The following FBXO11 variants were observed in gnomAD, a reference collection of about 807,000 sequenced individuals.
FBXO11 encodes the protein F-box protein 11.
A neutral mutation model predicts 117.0 loss-of-function variants in FBXO11; 13 were observed. The observed-to-expected ratio is 0.11, with a 90% CI of 0.07 to 0.18. The LOEUF (loss-of-function observed/expected upper bound fraction) is 0.18. FBXO11 is among the 10% of genes least tolerant of loss of function. The probability of loss-of-function intolerance (pLI) is 1.00; values close to 1 mark genes in which losing one functional copy is unlikely to be tolerated. For missense variants in FBXO11, 767 were observed against 1,164.4 expected (o/e 0.66, Z 4.97); for synonymous variants, 490 against 380.5 (o/e 1.29, Z -3.35).
rs566772693 is a variant in FBXO11, at chr2:47,817,594, A to G, written c.2006+1185T>C. 2.6e-5 allele frequency among the ~76,000 whole-genome samples: 4 copies of G among 152,218 alleles called. No homozygotes were observed. The South Asian group carries it at 8.3e-4, about 32-fold the overall frequency. ...CATACTTTCCTCACTAACCTTCATCATTTCTAGCTTTTGATTTAAAGTGAG... is the reference window on the plus strand; with the variant it reads ...CATACTTTCCTCACTAACCTTCATCGTTTCTAGCTTTTGATTTAAAGTGAG... On this transcript the variant is annotated intron_variant, in intron 16 of 22. Coordinates refer to ENST00000403359, the MANE Select transcript of FBXO11 (RefSeq NM_001190274.2).
intron 1 of FBXO11, among the ~76,000 whole-genome samples, chr2:47,880,032 G>C (rs915360885): frequency 6.7e-6 from 1 of 149,702 alleles, no homozygotes; most frequent in Non-Finnish European, 1.5e-5. Flanking sequence ...GTCTCACTCT[G>C]TCACCCAGGT....
In FBXO11 at chr2:47,905,682, T is replaced by G; in HGVS notation, c.39A>C (p.Arg13=). The change falls in exon 1 of 23, where the codon CGA becomes CGC. Residue 13 remains arginine (R), a synonymous_variant. Coordinates refer to ENST00000403359, the MANE Select transcript of FBXO11 (RefSeq NM_001190274.2). ...SVRAANRRPR[R]VSRPRPVQQQ... ...GCTGCACCGGGCGCGGCCGCGACAC[T>G]CGCCTGGGTCTCCGGTTGGCGGCTC... is the stretch of plus-strand genomic sequence containing the variant. 1 of 1,507,048 alleles carries G rather than the reference T, an allele frequency of 6.6e-7. No individual in the cohort carries two copies. Among genetic ancestry groups the G allele is most frequent in the Non-Finnish European group, 8.9e-7 (1 of 1,129,546 alleles). The allele number at this position is 1,507,048 out of a possible 1,614,324, so 93.4% of individuals were successfully genotyped here.
intron 1 of FBXO11, among the ~76,000 whole-genome samples, chr2:47,859,265 T>C (rs2103729524): frequency 6.6e-6 from 1 of 152,016 alleles, no homozygotes; most frequent in South Asian, 2.1e-4. Flanking sequence ...CCAACTAATC[T>C]GAAGATCATC....
At chr2:47,895,232 C>T (rs115504967) in intron 1 of FBXO11, among the ~76,000 whole-genome samples, 12 of 152,200 alleles carry the variant, frequency 7.9e-5, no homozygotes, top group Non-Finnish European at 1.6e-4. Flanking sequence ...TCCTGACATC[C>T]AAACACAAAA....
At chr2:47,900,574 A>G (rs906561260) in intron 1 of FBXO11, among the ~76,000 whole-genome samples, 1 of 140,334 alleles carries the variant, frequency 7.1e-6, no homozygotes, top group Non-Finnish European at 1.6e-5. Context: ...ATACACACGT[A>G]TACACACATA....
chr2:47,808,684 G>C (rs78888036), intron 21 of FBXO11: 33,855 of 371,588 alleles, frequency 0.091, 1,856 homozygotes, highest in Non-Finnish European at 0.11. Flanking sequence ...CCTCTCAAAT[G>C]TTTCTGGGCT....
In FBXO11 at chr2:47,833,548, C is replaced by T. The variant is rs143062331; in HGVS notation, c.935-478G>A. On this transcript the variant is annotated intron_variant, in intron 7 of 22. Transcript: ENST00000403359. ...AAAGAGGCTGTAAATGCAAATTTCA[C>T]TAGCAAATAATAATTACTAGCTATC... 1.5e-3 allele frequency among the ~76,000 whole-genome samples: 225 copies of T among 152,280 alleles called. 2 individuals are homozygous for T. Among genetic ancestry groups the T allele is most frequent in the Non-Finnish European group, 1.8e-3 (121 of 68,020 alleles).
intron 1 of FBXO11, among the ~76,000 whole-genome samples, chr2:47,876,081 C>T (rs1396145215): frequency 2.0e-5 from 3 of 152,176 alleles, no homozygotes; most frequent in Non-Finnish European, 4.4e-5. Context: ...TCCTTAATGT[C>T]ACACAGTTAG....
At chr2:47,903,051 CTT>C (rs1331287702) in intron 1 of FBXO11, among the ~76,000 whole-genome samples, 1 of 152,110 alleles carries the variant, frequency 6.6e-6, no homozygotes, top group Non-Finnish European at 1.5e-5. Flanking sequence ...GAAAGTGACA[CTT>C]TGCGTGCTCC....
At chr2:47,881,518 T>C (rs538109549) in intron 1 of FBXO11, among the ~76,000 whole-genome samples, 1 of 152,300 alleles carries the variant, frequency 6.6e-6, no homozygotes, top group South Asian at 2.1e-4. Flanking sequence ...ATCAATAGTA[T>C]TGAAACTAAT....
intron 1 of FBXO11, among the ~76,000 whole-genome samples, chr2:47,887,965 T>C (rs555052587): frequency 2.0e-5 from 3 of 151,784 alleles, no homozygotes; most frequent in Non-Finnish European, 4.4e-5. Flanking sequence ...CTGCAGAGAG[T>C]AGTGACTGTG....
chr2:47,883,480 T>G (rs1676586237), intron 1 of FBXO11: 2 of 413,918 alleles, frequency 4.8e-6, no homozygotes, highest in African/African-American at 4.1e-5. Context: ...AAAACCCTTA[T>G]GGGGAAGACC....
intron 3 of FBXO11, 47 bp from the exon 4 acceptor site, chr2:47,839,050 T>G: frequency 6.4e-7 from 1 of 1,550,880 alleles, no homozygotes; most frequent in Non-Finnish European, 8.7e-7. Context: ...AATAACTTTC[T>G]CATTATTTAA....
intron 11 of FBXO11, among the ~76,000 whole-genome samples, chr2:47,824,483 AAAAT>A (rs1465505908): frequency 6.6e-6 from 1 of 152,196 alleles, no homozygotes; most frequent in Non-Finnish European, 1.5e-5. Context: ...CAGAGTCTCA[AAAAT>A]AAATAAAGGT....
chr2:47,824,313 T>A (rs1007440790), intron 11 of FBXO11, among the ~76,000 whole-genome samples: 30 of 152,200 alleles, frequency 2.0e-4, no homozygotes, highest in Non-Finnish European at 4.0e-4. Context: ...CAGTGAGACG[T>A]CGTCTCTACA....
chr2:47,808,019 C>G lies in FBXO11; in HGVS notation c.*99G>C. ...CTTGTGTATCCATTTTTAATACAGT[C>G]TCTTCCTGTAGCATGGGCAAATATT... On this transcript the variant is annotated 3_prime_UTR_variant, in exon 23 of 23. Coordinates refer to ENST00000403359, the MANE Select transcript of FBXO11 (RefSeq NM_001190274.2). The G allele has an allele frequency of 1.8e-6, 2 of 1,096,180 alleles. No individual in the cohort carries two copies. Among genetic ancestry groups the G allele is most frequent in the East Asian group, 2.4e-5 (1 of 42,246 alleles). The allele number at this position is 1,096,180 out of a possible 1,614,324, so 67.9% of individuals were successfully genotyped here. A position where few individuals can be genotyped will look rare whatever the true frequency, so the allele number is the denominator to read the frequency against.
intron 1 of FBXO11, among the ~76,000 whole-genome samples, chr2:47,889,303 A>G (rs1369980538): frequency 2.6e-5 from 4 of 152,232 alleles, no homozygotes; most frequent in African/African-American, 9.6e-5. Context: ...TCATAGAACC[A>G]TGTAGACTAT....
intron 11 of FBXO11, among the ~76,000 whole-genome samples, chr2:47,830,059 G>A (rs1197089010): frequency 6.6e-6 from 1 of 152,056 alleles, no homozygotes; most frequent in Non-Finnish European, 1.5e-5. Flanking sequence ...ACACTAAACA[G>A]AACAGAACAT....
Position 47,832,764 on chromosome 2 carries a change from C to G in FBXO11, c.1153+5G>C, listed in dbSNP as rs1400147581. 1 of 1,610,718 alleles carries G rather than the reference C, an allele frequency of 6.2e-7. No individual in the cohort carries two copies. The highest frequency in any genetic ancestry group is 1.3e-5 in the African/African-American group (1 of 74,946). On this transcript the variant is annotated splice_donor_5th_base_variant and intron_variant, in intron 9 of 22. Transcript: ENST00000403359. ...TTTATTGTAAAATATAAAGAAAACA[C>G]TAACCTGTACATGTACTTCGGATGA...
Sources: gnomAD v4.1 joint callset for allele counts (sites outside exome capture counted in the v4.1 genomes callset) on GRCh38, gnomAD v4.1.1 for gene constraint, MANE v1.5 for transcripts, NCBI Gene and HGNC (gene_info 2026-07-23, HGNC 2026-07-21) for gene names.